The following CNTRL variants were observed in gnomAD, a reference collection of about 807,000 sequenced individuals.
CNTRL encodes the protein 110 kDa centrosomal protein.
Under a neutral mutation model 303.7 loss-of-function variants are expected in CNTRL, and 233 were observed. The observed-to-expected ratio is 0.77, with a 90% CI of 0.69 to 0.86. The LOEUF is 0.86. Ranked by LOEUF, CNTRL falls within the 40% of genes least tolerant of loss-of-function variation. The pLI, the probability that CNTRL is intolerant of heterozygous loss-of-function variation, is 0.00. For missense variants in CNTRL, 2,524 were observed against 2,650.6 expected, an observed-to-expected ratio of 0.95 and a Z score of 1.05; for synonymous variants, 900 against 922.2, an observed-to-expected ratio of 0.98 and a Z score of 0.44.
chr9:121,115,246 A>G (rs760376522), intron 11 of CNTRL, 46 bp downstream of exon 11: 1 of 1,115,772 alleles, frequency 9.0e-7, no homozygotes, highest in Admixed American at 2.1e-5. Flanking sequence ...TGAAAAATGA[A>G]ATGTGTTTTT....
rs188017012 is a variant in CNTRL, at chr9:121,094,417, G to A, written c.349-471G>A. On this transcript the variant is annotated intron_variant, in intron 4 of 43. Coordinates refer to ENST00000373855, the MANE Select transcript of CNTRL (RefSeq NM_007018.6). ...ACTGTGATAATTAATCCACTCCCAA[G>A]ATAATGGCATTAATTCATTCCTGAG... 7.9e-5 allele frequency among the ~76,000 whole-genome samples: 12 copies of A among 152,242 alleles called. No individual in the cohort carries two copies. The East Asian group carries it at 2.3e-3, about 29-fold the overall frequency.
At chr9:121,152,815 T>G (rs1588279533) in intron 26 of CNTRL, 122 bp downstream of exon 26, 1 of 739,992 alleles carries the variant, frequency 1.4e-6, no homozygotes, top group Non-Finnish European at 2.2e-6. Flanking sequence ...AACCACTAGC[T>G]CAGTGTGGCT....
chr9:121,129,867 G>T (rs1261849486), intron 14 of CNTRL, among the ~76,000 whole-genome samples: 4 of 152,152 alleles, frequency 2.6e-5, no homozygotes, highest in Admixed American at 2.0e-4. Flanking sequence ...TTTGTTGAAG[G>T]CCTTTTCTGC....
At chr9:121,078,655 G>T (rs2048024284) in intron 1 of CNTRL, among the ~76,000 whole-genome samples, 1 of 152,174 alleles carries the variant, frequency 6.6e-6, no homozygotes, top group South Asian at 2.1e-4. Context: ...GATGCCAACT[G>T]TAAGCCTCAG....
At chr9:121,152,055 TC>T (rs939789967) in intron 25 of CNTRL, 3 of 162,972 alleles carry the variant, frequency 1.8e-5, no homozygotes, top group African/African-American at 7.2e-5. Flanking sequence ...CTTTTATACT[TC>T]CCTTCGTTTG....
chr9:121,136,087 A>AAT (rs1491283257), intron 15 of CNTRL, 105 bp downstream of exon 15: 12 of 1,069,894 alleles, frequency 1.1e-5, no homozygotes, highest in Non-Finnish European at 1.6e-5. Flanking sequence ...TTTTTCATAC[A>AAT]ATATATATGG....
At chr9:121,127,621 TCTC>T (rs1440613227) in intron 14 of CNTRL, among the ~76,000 whole-genome samples, 2 of 152,160 alleles carry the variant, frequency 1.3e-5, no homozygotes, top group Non-Finnish European at 2.9e-5. Context: ...ATTTGCTTTA[TCTC>T]CTCATATGTA....
chr9:121,146,306 G>A (rs2051849643), intron 23 of CNTRL, 50 bp downstream of exon 23: 3 of 1,554,632 alleles, frequency 1.9e-6, no homozygotes, highest in Non-Finnish European at 8.7e-7. Flanking sequence ...CTTGAAGAAA[G>A]TGTGACATTG....
At chr9:121,130,873 C>G (rs957964947) in intron 14 of CNTRL, among the ~76,000 whole-genome samples, 1 of 152,106 alleles carries the variant, frequency 6.6e-6, no homozygotes, top group African/African-American at 2.4e-5. Flanking sequence ...TTATTTCTGC[C>G]TTCATTTCAT....
chr9:121,093,176 T>G (rs375150901), intron 4 of CNTRL, among the ~76,000 whole-genome samples: 2 of 152,260 alleles, frequency 1.3e-5, no homozygotes, highest in African/African-American at 4.8e-5. Context: ...ATTCACTACT[T>G]TGTTTCCAGT....
At chr9:121,141,698 T>C (rs2051524460) in intron 18 of CNTRL, 110 bp downstream of exon 18, 5 of 1,059,270 alleles carry the variant, frequency 4.7e-6, no homozygotes. Flanking sequence ...ATTGTTGTTA[T>C]TTTCACTTAT....
chr9:121,076,086 A>G (rs13302807), intron 1 of CNTRL, among the ~76,000 whole-genome samples: 2 of 152,194 alleles, frequency 1.3e-5, no homozygotes, highest in African/African-American at 2.4e-5. Context: ...AACAGACAAA[A>G]CCTCTGCTCT....
chr9:121,077,029 T>C (rs2047952427), intron 1 of CNTRL, among the ~76,000 whole-genome samples: 1 of 152,034 alleles, frequency 6.6e-6, no homozygotes, highest in Non-Finnish European at 1.5e-5. Flanking sequence ...TAGGAAAGGC[T>C]GGATGGAGGT....
At chr9:121,134,594 C>T (rs775957246) in intron 14 of CNTRL, among the ~76,000 whole-genome samples, 27 of 152,218 alleles carry the variant, frequency 1.8e-4, no homozygotes, top group Non-Finnish European at 3.7e-4. Context: ...TGTACCCGGC[C>T]CTAAGGTCCT....
At position 121,092,712 on chromosome 9, in the gene CNTRL, A is replaced by T. The variant is rs532812277; in HGVS notation, c.349-2176A>T. ...ATATATAATATATATCTATATATAT[A>T]ATATATATCTATATATATATAATAT... is the stretch of plus-strand genomic sequence containing the variant. On this transcript the variant is annotated intron_variant, in intron 4 of 43. Coordinates refer to ENST00000373855, the MANE Select transcript of CNTRL (RefSeq NM_007018.6). Among the ~76,000 whole-genome samples, 8 of 37,930 alleles carry T rather than the reference A, an allele frequency of 2.1e-4. 2 individuals carry two copies. Among genetic ancestry groups the T allele is most frequent in the African/African-American group, 1.9e-4 (2 of 10,668 alleles). 24.9% of individuals were successfully genotyped at this position (37,930 alleles called of 152,430 possible).
intron 2 of CNTRL, among the ~76,000 whole-genome samples, chr9:121,085,164 T>G (rs2048298126): frequency 6.6e-6 from 1 of 152,202 alleles, no homozygotes; most frequent in Non-Finnish European, 1.5e-5. Context: ...TTAAAAGATA[T>G]TTTATGGTTT....
Position 121,128,710 on chromosome 9 carries a change from C to G in CNTRL, c.2025+2774C>G, listed in dbSNP as rs1304848711. On this transcript the variant is annotated intron_variant, in intron 14 of 43. Coordinates refer to ENST00000373855, the MANE Select transcript of CNTRL (RefSeq NM_007018.6). ...CTTTTGGTGTTTTAGTCATGAAGTC[C>G]TTGCCCATGCCTATGTCCTGAATAG... Among the ~76,000 whole-genome samples the G allele has an allele frequency of 2.0e-5, 3 of 152,268 alleles. No homozygotes were observed. In the East Asian group the frequency reaches 5.8e-4, roughly 29 times the overall value.
At chr9:121,101,886 C>A (rs921146465) in intron 7 of CNTRL, among the ~76,000 whole-genome samples, 34 of 152,240 alleles carry the variant, frequency 2.2e-4, no homozygotes, top group East Asian at 9.6e-4. Context: ...CAATAACAGG[C>A]TCTGAAATTG....
rs530792589 is a variant in CNTRL, at chr9:121,075,900, A to T, written c.-205+833A>T. 2.0e-5 allele frequency among the ~76,000 whole-genome samples: 3 copies of T among 152,340 alleles called. No individual in the cohort carries two copies. The South Asian group carries it at 6.2e-4, about 32-fold the overall frequency. On this transcript the variant is annotated intron_variant, in intron 1 of 43. Transcript: ENST00000373855. Reference sequence around the variant, plus strand: ...ACAGTAAGTGGAAAATCAGAATTTGAACTCAGGCTGTTTCGTTCCAGAATC... The same window carrying T: ...ACAGTAAGTGGAAAATCAGAATTTGTACTCAGGCTGTTTCGTTCCAGAATC...
Sources: gnomAD v4.1 joint callset for allele counts (sites outside exome capture counted in the v4.1 genomes callset) on GRCh38, gnomAD v4.1.1 for gene constraint, MANE v1.5 for transcripts, NCBI Gene and HGNC (gene_info 2026-07-23, HGNC 2026-07-21) for gene names.